The following HTT variants were observed in gnomAD, a reference collection of about 807,000 sequenced individuals.
HTT encodes huntingtin.
Under a neutral mutation model 362.3 loss-of-function variants are expected in HTT, and 104 were observed. The observed-to-expected ratio is 0.29, with a 90% CI of 0.24 to 0.34. The LOEUF (loss-of-function observed/expected upper bound fraction) is 0.34. Among genes scored for constraint, HTT ranks in the 10% least tolerant of loss-of-function variants. The probability of loss-of-function intolerance (pLI) is 1.00; values close to 1 mark genes in which losing one functional copy is unlikely to be tolerated. For synonymous variants in HTT, 1,577 were observed against 1,548.7 expected (o/e 1.02, Z -0.43); for missense variants, 3,301 against 3,928.6 (o/e 0.84, Z 4.27).
At chr4:3,117,662 C>T (rs140501742) in intron 8 of HTT, among the ~76,000 whole-genome samples, 210 of 152,130 alleles carry the variant, frequency 1.4e-3, no homozygotes, top group Middle Eastern at 6.8e-3. Context: ...CATGGCGAAA[C>T]CCCATGTCTT....
rs1470587677 is a variant in HTT, at chr4:3,218,047, C to G, written c.7242+95C>G. Reference sequence around the variant, plus strand: ...ACGTGAGAGGGCGGGACAGAATCCCCGCAGCCCAGAGGCTGCCTGCTGTGG... The same window carrying G: ...ACGTGAGAGGGCGGGACAGAATCCCGGCAGCCCAGAGGCTGCCTGCTGTGG... On this transcript the variant is annotated intron_variant, in intron 52 of 66. Coordinates refer to ENST00000355072, the MANE Select transcript of HTT (RefSeq NM_001388492.1). This position sits in a 1 kb window ranked among gnomAD's most constrained non-coding sequence, Gnocchi z 4.4. 3 of 1,107,792 alleles carry G rather than the reference C, an allele frequency of 2.7e-6. No homozygotes were observed. Among genetic ancestry groups the G allele is most frequent in the Non-Finnish European group, 3.8e-6 (3 of 790,520 alleles). The allele number at this position is 1,107,792 out of a possible 1,614,324, so 68.6% of individuals were successfully genotyped here.
chr4:3,223,793 C>T lies in HTT; in HGVS notation c.7626-199C>T, dbSNP rs116328894. On this transcript the variant is annotated intron_variant, in intron 55 of 66. Transcript: ENST00000355072. ...GGGTTATTGAGCATTTAGGGGAAGA[C>T]GTTAGCAGAGCAGGAATGAGCAGGC... 1.3e-3 allele frequency among the ~76,000 whole-genome samples: 192 copies of T among 152,290 alleles called. 1 individual carries two copies. The highest frequency in any genetic ancestry group is 4.5e-3 in the African/African-American group (186 of 41,550).
intron 33 of HTT, among the ~76,000 whole-genome samples, chr4:3,176,035 G>GT (rs10690454): frequency 0.029 from 4,024 of 141,102 alleles, 163 homozygotes; most frequent in African/African-American, 0.085. Context: ...GTTTTTTTTT[G>GT]TTTTTTTTTT....
chr4:3,106,215 G>A (rs993783604), intron 5 of HTT, among the ~76,000 whole-genome samples: 1 of 152,140 alleles, frequency 6.6e-6, no homozygotes, highest in Non-Finnish European at 1.5e-5. Context: ...ACTTAGCCAG[G>A]CATGGTGGTG....
intron 37 of HTT, among the ~76,000 whole-genome samples, chr4:3,186,201 GA>G (rs113401608): frequency 3.0e-4 from 45 of 147,624 alleles, no homozygotes; most frequent in East Asian, 1.2e-3. Flanking sequence ...TGCAGAAAAA[GA>G]AAAAAAAAAG....
chr4:3,181,011 G>T (rs112820797), intron 36 of HTT, among the ~76,000 whole-genome samples: 9,422 of 151,992 alleles, frequency 0.062, 457 homozygotes, highest in Non-Finnish European at 0.096. Flanking sequence ...CGAGTAGCTG[G>T]GATTACAGGC....
At chr4:3,143,735 C>G (rs888445343) in intron 23 of HTT, among the ~76,000 whole-genome samples, 36 of 151,856 alleles carry the variant, frequency 2.4e-4, no homozygotes, top group African/African-American at 8.5e-4. Flanking sequence ...TCCTGAGTAG[C>G]TGGGATTACA....
intron 59 of HTT, 149 bp from the exon 60 acceptor site, chr4:3,229,738 A>G: frequency 1.2e-6 from 1 of 838,532 alleles, no homozygotes; most frequent in Non-Finnish European, 1.9e-6. Context: ...GCACACGCAT[A>G]CACCACACAC....
Position 3,089,984 on chromosome 4 carries a change from A to G in HTT, c.347+2962A>G, listed in dbSNP as rs57481838. 2.6e-5 allele frequency among the ~76,000 whole-genome samples: 4 copies of G among 152,278 alleles called. No individual in the cohort carries two copies. The East Asian group carries it at 5.8e-4, about 22-fold the overall frequency. On this transcript the variant is annotated intron_variant, in intron 2 of 66. Coordinates refer to ENST00000355072, the MANE Select transcript of HTT (RefSeq NM_001388492.1). ...GAGAGGTTATTCTTGGTTTCATAGG[A>G]TACACTCTATACTTTTTAGGGATTT...
At chr4:3,156,476 T>C (rs138026887) in intron 27 of HTT, among the ~76,000 whole-genome samples, 47 of 152,320 alleles carry the variant, frequency 3.1e-4, no homozygotes, top group African/African-American at 1.1e-3. Flanking sequence ...AGGAGGAAGA[T>C]TGACCTGTTG....
At chr4:3,216,629 A>T (rs886599248) in intron 51 of HTT, among the ~76,000 whole-genome samples, 1 of 152,222 alleles carries the variant, frequency 6.6e-6, no homozygotes, top group Non-Finnish European at 1.5e-5. Flanking sequence ...TTGGGTGAAG[A>T]TGATTATGCT....
At position 3,228,089 on chromosome 4, in the gene HTT, C is replaced by T. The variant is rs1721005351; in HGVS notation, c.7849-526C>T. Among the ~76,000 whole-genome samples, 1 of 152,144 alleles carries T rather than the reference C, an allele frequency of 6.6e-6. No homozygotes were observed. Among genetic ancestry groups the T allele is most frequent in the South Asian group, 2.1e-4 (1 of 4,832 alleles). On this transcript the variant is annotated intron_variant, in intron 57 of 66. Transcript: ENST00000355072. The surrounding 1 kb of genome is among the most constrained non-coding windows in gnomAD (Gnocchi z 4.3). The stretch of plus-strand genomic sequence containing the variant: ...AGAACAGCTTTTTATGGGCACACAG[C>T]CCACAGCACTGTGCCAAGTGCTCGA...
chr4:3,163,462 T>C (rs965732769), intron 29 of HTT, among the ~76,000 whole-genome samples: 4 of 152,156 alleles, frequency 2.6e-5, no homozygotes, highest in Admixed American at 6.6e-5. Flanking sequence ...GGGAGGATTC[T>C]CTCTTTTTCT....
chr4:3,102,255 G>A (rs1486002537), intron 3 of HTT, among the ~76,000 whole-genome samples: 1 of 152,240 alleles, frequency 6.6e-6, no homozygotes, highest in African/African-American at 2.4e-5. Context: ...AGGGGCAAGA[G>A]GGAAGAGGCC....
Position 3,242,320 on chromosome 4 carries a change from C to A in HTT, c.*2261C>A, listed in dbSNP as rs1721840895. ...GTAGGTGTCCCCCACCCCCAAAGAC[C>A]TGCCTGTGTGCTCCGGAGATGAATA... On this transcript the variant is annotated 3_prime_UTR_variant, in exon 67 of 67. Coordinates refer to ENST00000355072, the MANE Select transcript of HTT (RefSeq NM_001388492.1). 6.6e-6 allele frequency: 1 copy of A among 152,254 alleles called. No individual in the cohort carries two copies. The highest frequency in any genetic ancestry group is 1.5e-5 in the Non-Finnish European group (1 of 68,072). 9.4% of individuals were successfully genotyped at this position (152,254 alleles called of 1,614,324 possible).
Position 3,215,146 on chromosome 4 carries a change from AAAG to A in HTT, c.6993_6995del (p.Arg2332del), listed in dbSNP as rs1720337522. On this transcript the variant is annotated inframe_deletion, in exon 51 of 67. Transcript: ENST00000355072. ...CCTGGAGAGCAGCTTCTTAGTCCAG[AAAG>A]AAGGACAAATACCCCAAAAGCCATC... The A allele has an allele frequency of 1.2e-6, 2 of 1,614,164 alleles. No individual in the cohort carries two copies. The highest frequency in any genetic ancestry group is 1.7e-6 in the Non-Finnish European group (2 of 1,179,990).
At chr4:3,186,963 A>G (rs1033292325) in intron 38 of HTT, among the ~76,000 whole-genome samples, 1 of 147,552 alleles carries the variant, frequency 6.8e-6, no homozygotes, top group African/African-American at 2.5e-5. Context: ...GCTTCACACC[A>G]TTCTCCTGCC....
intron 22 of HTT, among the ~76,000 whole-genome samples, chr4:3,141,654 C>T (rs368995743): frequency 1.3e-5 from 2 of 151,996 alleles, no homozygotes; most frequent in African/African-American, 2.4e-5. Context: ...CCCAGCTACT[C>T]GGGAGGCTGA....
chr4:3,177,951 A>G (rs139833550), intron 34 of HTT, among the ~76,000 whole-genome samples: 257 of 152,352 alleles, frequency 1.7e-3, no homozygotes, highest in African/African-American at 5.9e-3. Flanking sequence ...TTCTAATTAC[A>G]TGACACCTCC....
Sources: allele counts gnomAD v4.1 joint callset (sites outside exome capture counted in the v4.1 genomes callset), GRCh38; gene constraint gnomAD v4.1.1; non-coding constraint Gnocchi (gnomAD v3.1); transcripts MANE v1.5; gene names NCBI Gene and HGNC (gene_info 2026-07-23, HGNC 2026-07-21).